EFR3B: variants seen among roughly 807,000 people sequenced by gnomAD.
EFR3B encodes the protein EFR3 homolog B, also known as protein EFR3 homolog B.
A neutral mutation model predicts 104.7 loss-of-function variants in EFR3B; 64 were observed. That is an observed-to-expected ratio of 0.61 (90% CI 0.50 to 0.75). EFR3B has a LOEUF of 0.75. EFR3B is among the 30% of genes least tolerant of loss of function. The pLI, the probability that EFR3B is intolerant of heterozygous loss-of-function variation, is 0.00. For missense variants in EFR3B, 750 were observed against 1,078.5 expected (o/e 0.70, Z 4.27); for synonymous variants, 385 against 417.9 (o/e 0.92, Z 0.96).
chr2:25,055,254 T>C (rs141913436), intron 1 of EFR3B, among the ~76,000 whole-genome samples: 32 of 152,366 alleles, frequency 2.1e-4, no homozygotes, highest in African/African-American at 7.7e-4. Context: ...GCACGTGTCT[T>C]ATGCCAAACA....
chr2:25,132,895 T>A lies in EFR3B; in HGVS notation c.1148-8T>A. Reference sequence around the variant, plus strand: ...CTCACTGGGCACCCTCTCCGCCACCTCCTGCAGGCTCCTTTGCCAGCACGC... The same window carrying A: ...CTCACTGGGCACCCTCTCCGCCACCACCTGCAGGCTCCTTTGCCAGCACGC... On this transcript the variant is annotated splice_region_variant and splice_polypyrimidine_tract_variant and intron_variant, in intron 10 of 22. Coordinates refer to ENST00000403714, the MANE Select transcript of EFR3B (RefSeq NM_014971.2). The A allele has an allele frequency of 6.5e-7, 1 of 1,549,976 alleles. No individual in the cohort carries two copies.
intron 4 of EFR3B, among the ~76,000 whole-genome samples, chr2:25,108,086 G>A (rs962858236): frequency 3.9e-5 from 6 of 151,912 alleles, no homozygotes; most frequent in Non-Finnish European, 5.9e-5. Context: ...CACCTGCCTC[G>A]CCCTCCCAAA....
intron 4 of EFR3B, among the ~76,000 whole-genome samples, chr2:25,115,790 T>G (rs1316981562): frequency 6.6e-6 from 1 of 152,232 alleles, no homozygotes; most frequent in East Asian, 1.9e-4. Context: ...CAGCTAACAC[T>G]GACGTGTTAA....
At chr2:25,110,990 A>G (rs115793104) in intron 4 of EFR3B, among the ~76,000 whole-genome samples, 204 of 152,268 alleles carry the variant, frequency 1.3e-3, no homozygotes, top group African/African-American at 4.6e-3. Context: ...AATGCCCTCC[A>G]TTCTGGATTT....
At chr2:25,054,378 G>A (rs1667963881) in intron 1 of EFR3B, among the ~76,000 whole-genome samples, 1 of 151,602 alleles carries the variant, frequency 6.6e-6, no homozygotes, top group South Asian at 2.1e-4. Context: ...CTGGAGTACA[G>A]TGGCATGATC....
At chr2:25,047,888 A>G (rs1558579881) in intron 1 of EFR3B, among the ~76,000 whole-genome samples, 2 of 152,232 alleles carry the variant, frequency 1.3e-5, no homozygotes, top group African/African-American at 2.4e-5. Context: ...CGTTCCTTCT[A>G]TCAAACAAAG....
At chr2:25,142,415 C>T (rs377680655) in intron 17 of EFR3B, among the ~76,000 whole-genome samples, 9 of 150,070 alleles carry the variant, frequency 6.0e-5, no homozygotes, top group East Asian at 5.9e-4. Context: ...TGCCACTGCA[C>T]TCCAGCCTGG....
At chr2:25,046,143 T>C (rs1201274109) in intron 1 of EFR3B, among the ~76,000 whole-genome samples, 1 of 152,152 alleles carries the variant, frequency 6.6e-6, no homozygotes, top group African/African-American at 2.4e-5. Context: ...CCCAGCACTT[T>C]GGGAGGCCAG....
At chr2:25,148,944 A>AAG (rs1670927365) in intron 19 of EFR3B, among the ~76,000 whole-genome samples, 1 of 145,014 alleles carries the variant, frequency 6.9e-6, no homozygotes, top group African/African-American at 2.6e-5. Context: ...AAAAAAAAAA[A>AAG]AAAGACTTCA....
chr2:25,150,126 C>A (rs1468716308), intron 20 of EFR3B, among the ~76,000 whole-genome samples: 2 of 151,862 alleles, frequency 1.3e-5, no homozygotes, highest in African/African-American at 4.8e-5. Flanking sequence ...GTGGTGAAAC[C>A]CTGTCTCAAC....
intron 2 of EFR3B, among the ~76,000 whole-genome samples, chr2:25,091,693 T>G (rs1211334221): frequency 6.6e-6 from 1 of 152,254 alleles, no homozygotes; most frequent in Non-Finnish European, 1.5e-5. Context: ...TTCTCCTGCA[T>G]GTCTCTCTGT....
At chr2:25,140,417 CTG>C (rs1670631965) in intron 16 of EFR3B, among the ~76,000 whole-genome samples, 1 of 152,202 alleles carries the variant, frequency 6.6e-6, no homozygotes, top group African/African-American at 2.4e-5. Flanking sequence ...GGTGCCGTGA[CTG>C]TGACAGAGAC....
At position 25,131,475 on chromosome 2, in the gene EFR3B, C is replaced by T; in HGVS notation, c.957C>T (p.Ala319=). 15 of 1,550,124 alleles carry T rather than the reference C, an allele frequency of 9.7e-6. No homozygotes were observed. Among genetic ancestry groups the T allele is most frequent in the Non-Finnish European group, 1.3e-5 (15 of 1,146,838 alleles). The stretch of plus-strand genomic sequence containing the variant: ...GCATCGTGGAAGTCTTGTCGGAAGC[C>T]GCGGTCATCGCTGCCACCGGCTCTG... ...RAGIVEVLSE[A]AVIAATGSVG... Residue 319 remains alanine (A), a synonymous_variant, in exon 9 of 23, where the codon GCC becomes GCT. Transcript: ENST00000403714. The surrounding 1 kb of genome is among the most constrained non-coding windows in gnomAD (Gnocchi z 7.6).
At chr2:25,142,775 AT>A (rs1670708058) in intron 17 of EFR3B, among the ~76,000 whole-genome samples, 2 of 27,224 alleles carry the variant, frequency 7.3e-5, no homozygotes, top group Admixed American at 2.7e-4. Context: ...AATAATAATA[AT>A]AAATAAATAA....
chr2:25,157,902 AC>A lies in EFR3B; in HGVS notation c.*3568del. The A allele has an allele frequency of 6.6e-6, 1 of 152,380 alleles. No individual in the cohort carries two copies. The highest frequency in any genetic ancestry group is 1.5e-5 in the Non-Finnish European group (1 of 68,326). The allele number at this position is 152,380 out of a possible 1,614,324, so 9.4% of individuals were successfully genotyped here. On this transcript the variant is annotated 3_prime_UTR_variant, in exon 23 of 23. Coordinates refer to ENST00000403714, the MANE Select transcript of EFR3B (RefSeq NM_014971.2). ...AGAAGAACTAGAAAAGTCCTCAGATACCCCCCTCTGTCCAGCCCCCTTTCCC... is the reference window on the plus strand; with the variant it reads ...AGAAGAACTAGAAAAGTCCTCAGATACCCCCTCTGTCCAGCCCCCTTTCCC...
intron 4 of EFR3B, among the ~76,000 whole-genome samples, chr2:25,118,724 TA>T (rs1669931809): frequency 1.1e-4 from 1 of 9,018 alleles, no homozygotes; most frequent in Non-Finnish European, 3.1e-4. Flanking sequence ...ACCCTGTCTC[TA>T]CAAAAAAAAA....
At chr2:25,144,149 C>T (rs1436556048) in intron 18 of EFR3B, among the ~76,000 whole-genome samples, 1 of 152,168 alleles carries the variant, frequency 6.6e-6, no homozygotes, top group Non-Finnish European at 1.5e-5. Context: ...GAACCAGAGA[C>T]CCAGTTTGAG....
At chr2:25,147,356 T>G (rs1670847274) in intron 19 of EFR3B, 1 of 152,260 alleles carries the variant, frequency 6.6e-6, no homozygotes, top group Admixed American at 6.5e-5. Context: ...AGCTCTCTCT[T>G]GCATGTAATT....
intron 3 of EFR3B, among the ~76,000 whole-genome samples, chr2:25,103,074 A>G (rs1436279736): frequency 6.6e-6 from 1 of 152,104 alleles, no homozygotes. Context: ...CACTCGAGCC[A>G]TCTCTCTCCA....
Sources: gnomAD v4.1 joint callset for allele counts (sites outside exome capture counted in the v4.1 genomes callset) on GRCh38, gnomAD v4.1.1 for gene constraint, Gnocchi (gnomAD v3.1) non-coding constraint, MANE v1.5 for transcripts, NCBI Gene and HGNC (gene_info 2026-07-23, HGNC 2026-07-21) for gene names.